IQCH: variants seen among roughly 807,000 people sequenced by gnomAD.
IQCH encodes the protein IQ domain-containing protein H.
IQCH carries 98 observed loss-of-function variants against 117.0 expected under a neutral mutation model. The observed-to-expected ratio is 0.84, with a 90% CI of 0.71 to 0.99. The LOEUF is 0.99. IQCH is among the 50% of genes least tolerant of loss of function. The probability of loss-of-function intolerance (pLI) is 0.00; values close to 1 mark genes in which losing one functional copy is unlikely to be tolerated. For missense variants in IQCH, 1,102 were observed against 1,243.8 expected, an observed-to-expected ratio of 0.89 and a Z score of 1.72; for synonymous variants, 412 against 448.2, an observed-to-expected ratio of 0.92 and a Z score of 1.02.
intron 4 of IQCH, among the ~76,000 whole-genome samples, chr15:67,319,954 T>A (rs1968034586): frequency 6.6e-6 from 1 of 152,252 alleles, no homozygotes; most frequent in Non-Finnish European, 1.5e-5. Context: ...TGAGTTAAAT[T>A]TTTTTAATGG....
intron 16 of IQCH, among the ~76,000 whole-genome samples, chr15:67,423,566 T>A (rs1169589254): frequency 6.5e-5 from 9 of 139,434 alleles, no homozygotes; most frequent in Admixed American, 2.3e-4. Context: ...CCAGTCTGGG[T>A]GACAGAGTGA....
At chr15:67,327,407 C>T (rs947083381) in intron 4 of IQCH, among the ~76,000 whole-genome samples, 7 of 152,078 alleles carry the variant, frequency 4.6e-5, no homozygotes, top group African/African-American at 1.7e-4. Flanking sequence ...TGATACATTG[C>T]TGCATAATAA....
At chr15:67,312,475 A>T (rs1366903540) in intron 4 of IQCH, among the ~76,000 whole-genome samples, 2 of 152,158 alleles carry the variant, frequency 1.3e-5, no homozygotes, top group East Asian at 3.9e-4. Flanking sequence ...GAACAGAGAA[A>T]TATCCTAAAA....
In IQCH at chr15:67,395,990, C is replaced by T. The variant is rs1429585829; in HGVS notation, c.1905+427C>T. On this transcript the variant is annotated intron_variant, in intron 13 of 20. Coordinates refer to ENST00000335894, the MANE Select transcript of IQCH (RefSeq NM_001031715.3). The surrounding 1 kb of genome is among the most constrained non-coding windows in gnomAD (Gnocchi z 4.0). The stretch of plus-strand genomic sequence containing the variant: ...CAGCCTGAGGGAATCTACTTTAGAA[C>T]TTTGTGTTTTAAAGTATTTTCCTGT... Among the ~76,000 whole-genome samples the T allele has an allele frequency of 6.6e-6, 1 of 152,008 alleles. No individual in the cohort carries two copies. The highest frequency in any genetic ancestry group is 1.5e-5 in the Non-Finnish European group (1 of 67,986).
chr15:67,307,060 C>G, intron 4 of IQCH: 2 of 1,281,572 alleles, frequency 1.6e-6, no homozygotes, highest in Non-Finnish European at 9.8e-7. Context: ...ATAGCCAAAC[C>G]AAACATTGCT....
chr15:67,299,003 T>G (rs1398938389), intron 4 of IQCH, among the ~76,000 whole-genome samples: 1 of 151,084 alleles, frequency 6.6e-6, no homozygotes, highest in African/African-American at 2.4e-5. Flanking sequence ...AGCCAAGATT[T>G]AGAAGCAACC....
rs528921348 is a variant in IQCH, at chr15:67,262,729, A to T, written c.175-393A>T. ...GAAACCCTGTCTTTTTACAAAAAAT[A>T]AAAAAATTAGCCAGGTGTGGTGGCA... is the stretch of plus-strand genomic sequence containing the variant. On this transcript the variant is annotated intron_variant, in intron 2 of 20. Transcript: ENST00000335894. 9.2e-5 allele frequency among the ~76,000 whole-genome samples: 14 copies of T among 152,182 alleles called. No individual in the cohort carries two copies. In the South Asian group the frequency reaches 2.5e-3, roughly 27 times the overall value.
intron 4 of IQCH, chr15:67,307,049 A>G (rs1446265140): frequency 7.7e-7 from 1 of 1,296,718 alleles, no homozygotes; most frequent in Non-Finnish European, 9.8e-7. Flanking sequence ...TGCATAACAA[A>G]ATAGCCAAAC....
rs35806920 is a variant in IQCH, at chr15:67,413,070, G to GGTGTGTGTGTGT, written c.2098-3842_2098-3831dup. Among the ~76,000 whole-genome samples the GGTGTGTGTGTGT allele has an allele frequency of 1.2e-4, 18 of 147,864 alleles. No individual in the cohort carries two copies. The highest frequency in any genetic ancestry group is 3.4e-4 in the Admixed American group (5 of 14,744). On this transcript the variant is annotated intron_variant, in intron 14 of 20. Coordinates refer to ENST00000335894, the MANE Select transcript of IQCH (RefSeq NM_001031715.3). This position sits in a 1 kb window ranked among gnomAD's most constrained non-coding sequence, Gnocchi z 5.0. ...ATTGGAGTGTTTGTCTGTTATGGAAGGTGTGTGTGTGTGTGTGTGTGTGTG... is the reference window on the plus strand; with the variant it reads ...ATTGGAGTGTTTGTCTGTTATGGAAGGTGTGTGTGTGTGTGTGTGTGTGTGTGTGTGTGTGTG...
In IQCH at chr15:67,323,923, T is replaced by A. The variant is rs376184550; in HGVS notation, c.388-13052T>A. ...AGTCATTTTCTGTCAGCTCGAAGAA[T>A]GTTTTTTAAGCATTTCTTTTTTTTT... is the stretch of plus-strand genomic sequence containing the variant. On this transcript the variant is annotated intron_variant, in intron 4 of 20. Transcript: ENST00000335894. Among the ~76,000 whole-genome samples, 261 of 148,276 alleles carry A rather than the reference T, an allele frequency of 1.8e-3. 4 individuals are homozygous for A. The highest frequency in any genetic ancestry group is 6.3e-3 in the African/African-American group (255 of 40,538).
chr15:67,357,748 T>C (rs1183279450), intron 7 of IQCH, among the ~76,000 whole-genome samples: 1 of 152,206 alleles, frequency 6.6e-6, no homozygotes, highest in African/African-American at 2.4e-5. Flanking sequence ...GATGTCTTAT[T>C]GTGAGGTTCT....
At chr15:67,394,162 A>G (rs1464189782) in intron 12 of IQCH, among the ~76,000 whole-genome samples, 1 of 152,104 alleles carries the variant, frequency 6.6e-6, no homozygotes, top group African/African-American at 2.4e-5. Flanking sequence ...TCCTTAGGTA[A>G]TGTCTTTCCC....
chr15:67,329,239 T>G (rs556550740), intron 4 of IQCH, among the ~76,000 whole-genome samples: 6 of 150,686 alleles, frequency 4.0e-5, no homozygotes, highest in Non-Finnish European at 8.8e-5. Flanking sequence ...GTCGAGGCTG[T>G]AGTGAGCTGT....
intron 16 of IQCH, among the ~76,000 whole-genome samples, chr15:67,449,692 T>G (rs979417163): frequency 1.3e-5 from 2 of 152,236 alleles, no homozygotes; most frequent in African/African-American, 4.8e-5. Flanking sequence ...GGCTTAGGAT[T>G]GACTTGGCCA....
rs1276421741 is a variant in IQCH at position 67,307,640 on chromosome 15, A to G, written c.387+28128A>G. On this transcript the variant is annotated intron_variant, in intron 4 of 20. Transcript: ENST00000335894. ...CGGTAGCAGAATTAGATTTAAACAA[A>G]TTGATGTTACACTGCAGTAATTCAG... 2.6e-5 allele frequency among the ~76,000 whole-genome samples: 4 copies of G among 152,294 alleles called. No individual in the cohort carries two copies. The East Asian group carries it at 7.7e-4, about 29-fold the overall frequency.
At chr15:67,306,854 A>G (rs1364278777) in intron 4 of IQCH, 1 of 1,533,676 alleles carries the variant, frequency 6.5e-7, no homozygotes, top group Non-Finnish European at 8.7e-7. Flanking sequence ...TGGAAACAAG[A>G]AGAAATCCCT....
chr15:67,357,884 C>T lies in IQCH; in HGVS notation c.714+463C>T, dbSNP rs1245260131. Among the ~76,000 whole-genome samples the T allele has an allele frequency of 1.7e-4, 26 of 151,910 alleles. 1 individual carries two copies. The highest frequency in any genetic ancestry group is 2.2e-4 in the Non-Finnish European group (15 of 67,970). Reference sequence around the variant, plus strand: ...TATTATTATTATTTCAAGACAGAGTCTCACTTACTCTGTTGCCCAGGCTGG... The same window carrying T: ...TATTATTATTATTTCAAGACAGAGTTTCACTTACTCTGTTGCCCAGGCTGG... On this transcript the variant is annotated intron_variant, in intron 7 of 20. Coordinates refer to ENST00000335894, the MANE Select transcript of IQCH (RefSeq NM_001031715.3).
intron 20 of IQCH, among the ~76,000 whole-genome samples, chr15:67,498,786 A>AATTTAAAATTTAAAT (rs1165309379): frequency 6.6e-6 from 1 of 152,144 alleles, no homozygotes; most frequent in Non-Finnish European, 1.5e-5. Flanking sequence ...GATAAATCAG[A>AATTTAAAATTTAAAT]CCTCATCAAA....
At chr15:67,495,596 A>C (rs2083783143) in intron 20 of IQCH, among the ~76,000 whole-genome samples, 1 of 152,208 alleles carries the variant, frequency 6.6e-6, no homozygotes, top group South Asian at 2.1e-4. Context: ...TCATCCATTC[A>C]GCCTGTCCAA....
Sources: allele counts gnomAD v4.1 joint callset (sites outside exome capture counted in the v4.1 genomes callset), GRCh38; gene constraint gnomAD v4.1.1; non-coding constraint Gnocchi (gnomAD v3.1); transcripts MANE v1.5; gene names NCBI Gene and HGNC (gene_info 2026-07-23, HGNC 2026-07-21).